The following NAALADL2 variants were observed in gnomAD, a reference collection of about 807,000 sequenced individuals.
NAALADL2 encodes N-acetylated alpha-linked acidic dipeptidase like 2.
Under a neutral mutation model 87.2 loss-of-function variants are expected in NAALADL2, and 76 were observed. The ratio of observed to expected loss-of-function variants is 0.87; its 90% CI spans 0.72 to 1.05. The LOEUF (loss-of-function observed/expected upper bound fraction) is 1.05. Among genes scored for constraint, NAALADL2 ranks in the 50% least tolerant of loss-of-function variants. The pLI, the probability that NAALADL2 is intolerant of heterozygous loss-of-function variation, is 0.00. For synonymous variants in NAALADL2, 354 were observed against 331.0 expected (o/e 1.07, Z -0.75); for missense variants, 1,089 against 945.8 (o/e 1.15, Z -1.99).
intron 4 of NAALADL2, among the ~76,000 whole-genome samples, chr3:175,304,876 A>T (rs1757505634): frequency 1.3e-5 from 2 of 152,100 alleles, no homozygotes; most frequent in South Asian, 4.1e-4. Flanking sequence ...CTTTTATATT[A>T]AATAATTCCT....
At chr3:175,383,232 T>C (rs1767990580) in intron 5 of NAALADL2, among the ~76,000 whole-genome samples, 1 of 152,070 alleles carries the variant, frequency 6.6e-6, no homozygotes, top group Non-Finnish European at 1.5e-5. Context: ...GTTGTTGTTG[T>C]TGTTAACTAT....
At chr3:174,689,304 G>A (rs1578554975) in intron 2 of NAALADL2, among the ~76,000 whole-genome samples, 1 of 151,606 alleles carries the variant, frequency 6.6e-6, no homozygotes, top group East Asian at 2.0e-4. Context: ...TATCATCTCT[G>A]TTAATTGAAA....
intron 2 of NAALADL2, among the ~76,000 whole-genome samples, chr3:174,608,864 C>A (rs201454428): frequency 0.57 from 86,676 of 151,062 alleles, 25,894 homozygotes; most frequent in African/African-American, 0.67. Flanking sequence ...CAACCAAAAA[C>A]CAGAATTCTA....
intron 1 of NAALADL2, among the ~76,000 whole-genome samples, chr3:175,009,577 T>A (rs1411003562): frequency 6.6e-6 from 1 of 152,166 alleles, no homozygotes; most frequent in African/African-American, 2.4e-5. Context: ...TTGGAAGAAG[T>A]TAAAATGATA....
At chr3:175,158,432 T>C (rs1436418156) in intron 2 of NAALADL2, among the ~76,000 whole-genome samples, 3 of 150,786 alleles carry the variant, frequency 2.0e-5, no homozygotes, top group East Asian at 3.9e-4. Flanking sequence ...AACTTGATGA[T>C]ACAGTGCATT....
intron 1 of NAALADL2, among the ~76,000 whole-genome samples, chr3:174,533,534 A>G (rs1328409967): frequency 6.6e-6 from 1 of 152,096 alleles, no homozygotes; most frequent in East Asian, 1.9e-4. Flanking sequence ...ATGCTGGTGA[A>G]TATTTCTGAA....
intron 1 of NAALADL2, among the ~76,000 whole-genome samples, chr3:175,034,622 T>C (rs1224059417): frequency 6.6e-6 from 1 of 152,134 alleles, no homozygotes; most frequent in East Asian, 1.9e-4. Flanking sequence ...ATGTTATTTA[T>C]TATTGATAGT....
intron 13 of NAALADL2, among the ~76,000 whole-genome samples, chr3:175,769,013 C>T (rs1313870873): frequency 6.6e-6 from 1 of 152,110 alleles, no homozygotes; most frequent in Non-Finnish European, 1.5e-5. Context: ...TTTGCTATTA[C>T]TCCTATCTAG....
At chr3:174,543,811 CAGCCTGGCCAACATGACA>C (rs1722482333) in intron 1 of NAALADL2, among the ~76,000 whole-genome samples, 1 of 151,940 alleles carries the variant, frequency 6.6e-6, no homozygotes, top group South Asian at 2.1e-4. Flanking sequence ...CGTTTGAGAC[CAGCCTGGCCAACATGACA>C]AAACCCTGTC....
intron 3 of NAALADL2, among the ~76,000 whole-genome samples, chr3:174,762,483 A>G (rs1664210323): frequency 6.7e-6 from 1 of 149,544 alleles, no homozygotes; most frequent in Non-Finnish European, 1.5e-5. Context: ...CATGTTCCGT[A>G]TAAAGCAAAA....
At chr3:175,106,506 A>G (rs1723184873) in intron 2 of NAALADL2, among the ~76,000 whole-genome samples, 1 of 152,114 alleles carries the variant, frequency 6.6e-6, no homozygotes, top group African/African-American at 2.4e-5. Flanking sequence ...GTTCCAAAAA[A>G]GGAACAGGAT....
chr3:175,580,766 T>G (rs1719647640), intron 10 of NAALADL2, among the ~76,000 whole-genome samples: 1 of 152,152 alleles, frequency 6.6e-6, no homozygotes, highest in Non-Finnish European at 1.5e-5. Flanking sequence ...TTTAAAAATT[T>G]CTTACAATAT....
In NAALADL2 at chr3:175,097,239, T is replaced by A; in HGVS notation, c.493T>A (p.Tyr165Asn). The change falls in exon 2 of 14, where the codon TAT (tyrosine) becomes AAT (asparagine). Residue 165 changes from tyrosine to asparagine, a missense_variant. Physicochemically the swap from Tyr to Asn is moderately radical, Grantham distance 143 (BLOSUM62 -2). Coordinates refer to ENST00000454872, the MANE Select transcript of NAALADL2 (RefSeq NM_207015.3). ...PSSGTVDPQL[Y>N]QEILKTIQAE... ...TTCAGGAACAGTTGATCCTCAGTTA[T>A]ATCAAGAGATTCTCAAGACAATCCA... 6.2e-7 allele frequency: 1 copy of A among 1,613,242 alleles called. No homozygotes were observed. Among genetic ancestry groups the A allele is most frequent in the Admixed American group, 1.7e-5 (1 of 59,952 alleles).
intron 5 of NAALADL2, among the ~76,000 whole-genome samples, chr3:175,360,932 A>C (rs1330064100): frequency 6.6e-6 from 1 of 151,460 alleles, no homozygotes; most frequent in East Asian, 1.9e-4. Flanking sequence ...GGTTTGTTAA[A>C]TATGTATACA....
intron 3 of NAALADL2, among the ~76,000 whole-genome samples, chr3:174,767,644 C>T (rs756965051): frequency 5.9e-5 from 9 of 152,152 alleles, no homozygotes; most frequent in African/African-American, 1.7e-4. Flanking sequence ...ACCACATTTA[C>T]GTACAAGAGA....
chr3:174,518,147 A>T (rs1720046870), intron 1 of NAALADL2, among the ~76,000 whole-genome samples: 1 of 152,116 alleles, frequency 6.6e-6, no homozygotes, highest in South Asian at 2.1e-4. Context: ...CCAGGTTACA[A>T]CATCTTCCTG....
intron 11 of NAALADL2, among the ~76,000 whole-genome samples, chr3:175,632,512 G>C (rs962503589): frequency 1.3e-5 from 2 of 152,006 alleles, no homozygotes; most frequent in African/African-American, 4.8e-5. Context: ...TCAGGTTGTA[G>C]ATAAGAGTGT....
intron 1 of NAALADL2, among the ~76,000 whole-genome samples, chr3:175,018,837 A>G (rs1175595527): frequency 6.6e-6 from 1 of 151,998 alleles, no homozygotes; most frequent in Non-Finnish European, 1.5e-5. Context: ...TTTTCTATCT[A>G]TTGGTATAGT....
intron 2 of NAALADL2, among the ~76,000 whole-genome samples, chr3:175,208,448 C>T (rs1741279249): frequency 6.6e-6 from 1 of 152,096 alleles, no homozygotes; most frequent in Admixed American, 6.6e-5. Context: ...ATTCAGAACA[C>T]GAACAGCCTC....
Sources: gnomAD v4.1 joint callset for allele counts (sites outside exome capture counted in the v4.1 genomes callset) on GRCh38, gnomAD v4.1.1 for gene constraint, MANE v1.5 for transcripts, NCBI Gene and HGNC (gene_info 2026-07-23, HGNC 2026-07-21) for gene names.